MCHR2: variants seen among roughly 807,000 people sequenced by gnomAD.
The protein encoded by MCHR2 is melanin-concentrating hormone receptor 2.
In MCHR2, 15 loss-of-function variants were observed where a neutral mutation model predicts 24.8. The ratio of observed to expected loss-of-function variants is 0.60; its 90% confidence interval spans 0.40 to 0.93. The LOEUF (loss-of-function observed/expected upper bound fraction) is 0.93. Ranked by LOEUF, MCHR2 falls within the 40% of genes least tolerant of loss-of-function variation. The pLI is 0.00. For missense variants in MCHR2, 386 were observed against 408.7 expected, an observed-to-expected ratio of 0.94 and a Z score of 0.48; for synonymous variants, 151 against 147.6, an observed-to-expected ratio of 1.02 and a Z score of -0.17.
intron 1 of MCHR2, among the ~76,000 whole-genome samples, chr6:99,965,969 C>T (rs1242473755): frequency 4.6e-5 from 7 of 152,090 alleles, no homozygotes; most frequent in African/African-American, 7.2e-5. Context: ...GTATTAATTT[C>T]TTTTAATGCT....
At chr6:99,938,923 C>T (rs1009476327) in intron 4 of MCHR2, among the ~76,000 whole-genome samples, 1 of 152,014 alleles carries the variant, frequency 6.6e-6, no homozygotes, top group African/African-American at 2.4e-5. Flanking sequence ...TGAATTGACT[C>T]CTTTATCATT....
intron 5 of MCHR2, among the ~76,000 whole-genome samples, chr6:99,923,144 G>A (rs1228014324): frequency 6.6e-6 from 1 of 151,802 alleles, no homozygotes; most frequent in African/African-American, 2.4e-5. Flanking sequence ...TTTTATTTGT[G>A]GCTATTATCA....
At chr6:99,949,048 G>A (rs1774923618) in intron 2 of MCHR2, among the ~76,000 whole-genome samples, 1 of 152,118 alleles carries the variant, frequency 6.6e-6, no homozygotes, top group African/African-American at 2.4e-5. Flanking sequence ...ATACATTTCT[G>A]AGAGCAGAAA....
chr6:99,958,881 T>A (rs1775123568), intron 1 of MCHR2, among the ~76,000 whole-genome samples: 2 of 152,058 alleles, frequency 1.3e-5, no homozygotes, highest in South Asian at 2.1e-4. Context: ...TGGGGACAGG[T>A]TTTTGTCTCA....
chr6:99,930,553 T>A (rs1470574879), intron 5 of MCHR2, among the ~76,000 whole-genome samples: 1 of 151,760 alleles, frequency 6.6e-6, no homozygotes, highest in African/African-American at 2.4e-5. Context: ...TATTCTTTTT[T>A]CTCTAAACTT....
intron 1 of MCHR2, among the ~76,000 whole-genome samples, chr6:99,969,247 G>A (rs1213301551): frequency 6.6e-6 from 1 of 151,956 alleles, no homozygotes; most frequent in Non-Finnish European, 1.5e-5. Context: ...AGGCTGAGGC[G>A]GGAGGATCAC....
At chr6:99,973,606 A>T (rs1375833024) in intron 1 of MCHR2, among the ~76,000 whole-genome samples, 2 of 152,088 alleles carry the variant, frequency 1.3e-5, no homozygotes, top group African/African-American at 2.4e-5. Flanking sequence ...TCCTGTCATT[A>T]TGTTAGCTGG....
chr6:99,977,289 C>G (rs979379329), intron 1 of MCHR2, among the ~76,000 whole-genome samples: 1 of 152,166 alleles, frequency 6.6e-6, no homozygotes, highest in Admixed American at 6.5e-5. Flanking sequence ...TTAGGGAGCT[C>G]AGACTCAAGT....
chr6:99,964,924 A>C (rs1351902194), intron 1 of MCHR2, among the ~76,000 whole-genome samples: 3 of 152,144 alleles, frequency 2.0e-5, no homozygotes, highest in Non-Finnish European at 1.5e-5. Context: ...TATAGAATTA[A>C]AAAACAAGGC....
chr6:99,930,365 C>A (rs1774488700), intron 5 of MCHR2, among the ~76,000 whole-genome samples: 1 of 152,116 alleles, frequency 6.6e-6, no homozygotes, highest in Non-Finnish European at 1.5e-5. Context: ...CTCTGTATTT[C>A]CTGAATCTGA....
At chr6:99,987,769 A>T (rs9403327) in intron 1 of MCHR2, among the ~76,000 whole-genome samples, 91,692 of 152,048 alleles carry the variant, frequency 0.6, 27,743 homozygotes, top group Middle Eastern at 0.66. Flanking sequence ...ATGGATAAAC[A>T]TATAAAAGTG....
rs201235753 is a variant in MCHR2 at position 99,920,591 on chromosome 6, T to G, written c.*349A>C. On this transcript the variant is annotated 3_prime_UTR_variant, in exon 6 of 6. Transcript: ENST00000281806. The stretch of plus-strand genomic sequence containing the variant: ...GGAAACTGTTACAGTGAGGCCACAG[T>G]GTGGAGGGCAAGGTCAGGTTCCTTG... The G allele has an allele frequency of 2.1e-5, 5 of 234,454 alleles. No individual in the cohort carries two copies. The highest frequency in any genetic ancestry group is 3.4e-5 in the Non-Finnish European group (4 of 118,154). 14.5% of individuals were successfully genotyped at this position (234,454 alleles called of 1,614,324 possible).
At chr6:99,957,536 C>T (rs1026831843) in intron 1 of MCHR2, among the ~76,000 whole-genome samples, 1 of 152,038 alleles carries the variant, frequency 6.6e-6, no homozygotes, top group Admixed American at 6.6e-5. Context: ...TCCACTATCA[C>T]CACTTTTCTT....
chr6:99,931,578 C>A (rs886873200), intron 5 of MCHR2, among the ~76,000 whole-genome samples: 1 of 152,122 alleles, frequency 6.6e-6, no homozygotes, highest in African/African-American at 2.4e-5. Flanking sequence ...TGCCGCCTTG[C>A]AGTTTGGTCT....
chr6:99,932,718 T>C (rs563898045), intron 5 of MCHR2, among the ~76,000 whole-genome samples: 1 of 152,272 alleles, frequency 6.6e-6, no homozygotes, highest in South Asian at 2.1e-4. Flanking sequence ...TGCTCAAGAC[T>C]ATGAAGGTCA....
intron 5 of MCHR2, among the ~76,000 whole-genome samples, chr6:99,932,882 T>G (rs952778026): frequency 3.9e-5 from 6 of 152,172 alleles, no homozygotes; most frequent in African/African-American, 1.2e-4. Flanking sequence ...GGAATTTAGT[T>G]AACAGTAATG....
At position 99,947,759 on chromosome 6, in the gene MCHR2, T is replaced by G; in HGVS notation, c.392+3A>C. On this transcript the variant is annotated splice_donor_region_variant and intron_variant, in intron 3 of 5. Transcript: ENST00000281806. ...TTAAGATATTTCAAAGTCTTTCACT[T>G]ACCTGTCCACACTCATTACAGTCAT... The G allele has an allele frequency of 6.2e-7, 1 of 1,612,810 alleles. No homozygotes were observed. Among genetic ancestry groups the G allele is most frequent in the Non-Finnish European group, 8.5e-7 (1 of 1,179,424 alleles).
chr6:99,939,425 T>C (rs1251310230), intron 4 of MCHR2, among the ~76,000 whole-genome samples: 1 of 152,078 alleles, frequency 6.6e-6, no homozygotes, highest in African/African-American at 2.4e-5. Context: ...TGATAATTTA[T>C]CTTACATCAA....
intron 5 of MCHR2, among the ~76,000 whole-genome samples, chr6:99,931,307 G>A (rs937479576): frequency 5.9e-5 from 9 of 152,218 alleles, no homozygotes; most frequent in African/African-American, 9.6e-5. Flanking sequence ...CATTTGAGGA[G>A]CCAGTCTGCC....
Sources: allele counts gnomAD v4.1 joint callset (sites outside exome capture counted in the v4.1 genomes callset), GRCh38; gene constraint gnomAD v4.1.1; transcripts MANE v1.5; gene names NCBI Gene and HGNC (gene_info 2026-07-23, HGNC 2026-07-21).